Variants in ZNF277 observed in about 807,000 individuals in gnomAD.
ZNF277 encodes zinc finger protein 277.
Under a neutral mutation model 60.7 loss-of-function variants are expected in ZNF277, and 55 were observed. That is an observed-to-expected ratio of 0.91 (90% CI 0.73 to 1.13). ZNF277 has a LOEUF of 1.13. ZNF277 is among the 50% of genes most tolerant of loss of function. ZNF277 has a pLI of 0.00. For synonymous variants in ZNF277, 178 were observed against 179.3 expected, an observed-to-expected ratio of 0.99 and a Z score of 0.06; for missense variants, 510 against 523.0, an observed-to-expected ratio of 0.98 and a Z score of 0.24.
chr7:112,337,804 A>G lies in ZNF277; in HGVS notation c.944A>G (p.Glu315Gly). Residue 315 changes from glutamate (E) to glycine (G), a missense_variant, in exon 9 of 12, where the codon GAG becomes GGG. Coordinates refer to ENST00000361822, the MANE Select transcript of ZNF277 (RefSeq NM_021994.3). ...TGTGAAAAGCAAGCAGAAACAATTG[A>G]GAAGTTGTATGTCCACATGGAGGTA... is the stretch of plus-strand genomic sequence containing the variant. ...LFCEKQAETIEKLYVHMEDAH... is the reference protein window; with the variant it reads ...LFCEKQAETIGKLYVHMEDAH... 3.1e-6 allele frequency: 5 copies of G among 1,611,922 alleles called. No individual in the cohort carries two copies. Among genetic ancestry groups the G allele is most frequent in the Non-Finnish European group, 3.4e-6 (4 of 1,179,346 alleles).
At chr7:112,300,303 A>G (rs1792445866) in intron 4 of ZNF277, among the ~76,000 whole-genome samples, 1 of 152,136 alleles carries the variant, frequency 6.6e-6, no homozygotes, top group African/African-American at 2.4e-5. Flanking sequence ...GAATATTTTC[A>G]TCCATATTCT....
At chr7:112,340,166 G>T (rs190135011) in intron 10 of ZNF277, among the ~76,000 whole-genome samples, 1 of 152,170 alleles carries the variant, frequency 6.6e-6, no homozygotes, top group East Asian at 1.9e-4. Context: ...AATTGGAGGG[G>T]GCTAGTGGAA....
chr7:112,214,303 G>C (rs1410242315), intron 1 of ZNF277, among the ~76,000 whole-genome samples: 1 of 152,200 alleles, frequency 6.6e-6, no homozygotes, highest in African/African-American at 2.4e-5. Flanking sequence ...GCTGTCTCCA[G>C]TGATTAAATC....
At chr7:112,208,712 G>A (rs1317589329) in intron 1 of ZNF277, among the ~76,000 whole-genome samples, 1 of 99,258 alleles carries the variant, frequency 1.0e-5, no homozygotes, top group Non-Finnish European at 1.8e-5. Flanking sequence ...ACGGAGTCTC[G>A]CTTTGTCAAC....
intron 1 of ZNF277, among the ~76,000 whole-genome samples, chr7:112,223,619 G>T (rs1350110623): frequency 6.6e-6 from 1 of 152,184 alleles, no homozygotes; most frequent in Non-Finnish European, 1.5e-5. Context: ...GACCCTTCTA[G>T]GTTTTTAGAC....
intron 1 of ZNF277, among the ~76,000 whole-genome samples, chr7:112,281,598 A>G (rs1791945991): frequency 6.6e-6 from 1 of 152,248 alleles, no homozygotes; most frequent in Non-Finnish European, 1.5e-5. Flanking sequence ...GCCAAGGCCC[A>G]TAGCACTAAA....
intron 1 of ZNF277, among the ~76,000 whole-genome samples, chr7:112,229,636 C>G (rs1822270582): frequency 6.6e-6 from 1 of 152,158 alleles, no homozygotes; most frequent in Non-Finnish European, 1.5e-5. Context: ...TTCTCGAGCT[C>G]TGAGTCTCAG....
intron 1 of ZNF277, among the ~76,000 whole-genome samples, chr7:112,280,919 C>T (rs6950367): frequency 0.043 from 6,521 of 152,204 alleles, 338 homozygotes; most frequent in African/African-American, 0.13. Context: ...TGAGCCACCG[C>T]GCCCAGCCCC....
chr7:112,246,330 G>A (rs915778691), intron 1 of ZNF277, among the ~76,000 whole-genome samples: 2 of 152,142 alleles, frequency 1.3e-5, no homozygotes, highest in African/African-American at 4.8e-5. Context: ...GGAGGTCGAG[G>A]CTGCAGTGAG....
chr7:112,315,181 C>T (rs913719849), intron 4 of ZNF277, among the ~76,000 whole-genome samples: 1 of 152,094 alleles, frequency 6.6e-6, no homozygotes, highest in Non-Finnish European at 1.5e-5. Flanking sequence ...TCCCCCGACG[C>T]TCATCTGAGG....
At chr7:112,243,499 C>T (rs1192740711) in intron 1 of ZNF277, among the ~76,000 whole-genome samples, 3 of 148,444 alleles carry the variant, frequency 2.0e-5, no homozygotes, top group Admixed American at 6.7e-5. Context: ...AAAAAAACAA[C>T]CCCATTAAAA....
chr7:112,281,500 T>C (rs182835549), intron 1 of ZNF277, among the ~76,000 whole-genome samples: 74 of 152,342 alleles, frequency 4.9e-4, no homozygotes, highest in African/African-American at 1.8e-3. Flanking sequence ...ATAACATACT[T>C]TTATTACTCT....
At chr7:112,231,407 G>C (rs1193593850) in intron 1 of ZNF277, among the ~76,000 whole-genome samples, 1 of 152,078 alleles carries the variant, frequency 6.6e-6, no homozygotes, top group African/African-American at 2.4e-5. Flanking sequence ...CAAATCCTTT[G>C]TTCTGTGCAA....
At chr7:112,254,309 A>G (rs1791259094) in intron 1 of ZNF277, among the ~76,000 whole-genome samples, 1 of 152,210 alleles carries the variant, frequency 6.6e-6, no homozygotes. Flanking sequence ...GCTAATTTAC[A>G]TGCCATACTC....
Position 112,327,801 on chromosome 7 carries a change from G to T in ZNF277, c.642G>T (p.Leu214Phe). 1 of 1,610,986 alleles carries T rather than the reference G, an allele frequency of 6.2e-7. No individual in the cohort carries two copies. Residue 214 changes from leucine to phenylalanine, a missense_variant, in exon 6 of 12, where the codon TTG (leucine) becomes TTT (phenylalanine). Coordinates refer to ENST00000361822, the MANE Select transcript of ZNF277 (RefSeq NM_021994.3). ...ACATTGTAAACTGCAATGAATTTTT[G>T]TGTACATTACAGAAAAAGCTTGACA... ...PDNIVNCNEF[L>F]CTLQKKLDNL...
chr7:112,274,042 GATATATAT>G (rs35887204), intron 1 of ZNF277, among the ~76,000 whole-genome samples: 13 of 147,520 alleles, frequency 8.8e-5, no homozygotes, highest in Admixed American at 7.5e-4. Context: ...TATAGTATGA[GATATATAT>G]ATATATATAT....
intron 1 of ZNF277, among the ~76,000 whole-genome samples, chr7:112,212,930 T>C (rs1459424378): frequency 6.6e-6 from 1 of 152,176 alleles, no homozygotes; most frequent in Non-Finnish European, 1.5e-5. Context: ...CATTGTATAC[T>C]GGGGTTGCCT....
At chr7:112,242,653 T>C (rs912611338) in intron 1 of ZNF277, among the ~76,000 whole-genome samples, 1 of 150,646 alleles carries the variant, frequency 6.6e-6, no homozygotes, top group African/African-American at 2.4e-5. Flanking sequence ...GAAACACTGA[T>C]GAAAGAAATT....
At chr7:112,319,612 G>A (rs993885124) in intron 5 of ZNF277, among the ~76,000 whole-genome samples, 2 of 147,502 alleles carry the variant, frequency 1.4e-5, no homozygotes, top group African/African-American at 5.0e-5. Flanking sequence ...GAAAGGAGAA[G>A]GTAGCCACTT....
Sources: allele counts gnomAD v4.1 joint callset (sites outside exome capture counted in the v4.1 genomes callset), GRCh38; gene constraint gnomAD v4.1.1; transcripts MANE v1.5; gene names NCBI Gene and HGNC (gene_info 2026-07-23, HGNC 2026-07-21).